CCDC171: variants seen among roughly 807,000 people sequenced by gnomAD.
CCDC171 encodes coiled-coil domain-containing protein 171.
CCDC171 carries 177 observed loss-of-function variants against 168.2 expected under a neutral mutation model. That is an observed-to-expected ratio of 1.05 (90% confidence interval 0.93 to 1.19). CCDC171 has a LOEUF of 1.19. Ranked by LOEUF, CCDC171 falls within the 50% of genes most tolerant of loss-of-function variation. The pLI is 0.00. For synonymous variants in CCDC171, 687 were observed against 540.8 expected (o/e 1.27, Z -3.75); for missense variants, 1,991 against 1,539.0 (o/e 1.29, Z -4.91).
chr9:15,963,410 G>A (rs73411570), intron 25 of CCDC171, among the ~76,000 whole-genome samples: 16,223 of 152,090 alleles, frequency 0.11, 2,244 homozygotes, highest in African/African-American at 0.32. Flanking sequence ...ATACCTGCAT[G>A]CTCACCTTGG....
intron 11 of CCDC171, among the ~76,000 whole-genome samples, chr9:15,718,282 T>C (rs1413812963): frequency 2.6e-5 from 4 of 152,108 alleles, no homozygotes; most frequent in African/African-American, 9.7e-5. Context: ...GGGAAGGACT[T>C]TGTCTTGTGC....
chr9:15,852,781 A>AT (rs61235336), intron 23 of CCDC171, among the ~76,000 whole-genome samples: 4 of 151,306 alleles, frequency 2.6e-5, no homozygotes, highest in African/African-American at 9.7e-5. Context: ...GCCCAACTTC[A>AT]TTTTTTTTAT....
intron 25 of CCDC171, among the ~76,000 whole-genome samples, chr9:15,966,740 T>C (rs1224361447): frequency 6.6e-6 from 1 of 152,212 alleles, no homozygotes; most frequent in African/African-American, 2.4e-5. Flanking sequence ...GTCAGTAAGA[T>C]AGTCAAACTA....
intron 18 of CCDC171, among the ~76,000 whole-genome samples, chr9:15,768,876 C>T (rs568146935): frequency 5.9e-5 from 9 of 152,170 alleles, no homozygotes; most frequent in African/African-American, 2.2e-4. Context: ...TCCGCAGTAT[C>T]AGCAGCAATA....
chr9:15,978,489 C>T (rs1012389732), downstream of CCDC171, among the ~76,000 whole-genome samples: 24 of 152,266 alleles, frequency 1.6e-4, no homozygotes, highest in Admixed American at 9.2e-4. Flanking sequence ...GCTTTTTGCT[C>T]TCTTTAATCT....
intron 21 of CCDC171, among the ~76,000 whole-genome samples, chr9:15,828,595 A>T (rs141189953): frequency 6.6e-6 from 1 of 152,214 alleles, no homozygotes; most frequent in East Asian, 1.9e-4. Flanking sequence ...GAAGAAACAG[A>T]TATGCATAGA....
At chr9:16,101,475 TGA>T in the CCDC171 span, among the ~76,000 whole-genome samples, 1 of 152,254 alleles carries the variant, frequency 6.6e-6, no homozygotes, top group Non-Finnish European at 1.5e-5. Context: ...CCCGTGAATG[TGA>T]TGCAACATCA....
intron 4 of CCDC171, chr9:15,587,709 T>C: frequency 2.2e-6 from 1 of 454,956 alleles, no homozygotes; most frequent in South Asian, 1.6e-5. Context: ...TATATTAGTG[T>C]ATAAACTGTA....
intron 25 of CCDC171, among the ~76,000 whole-genome samples, chr9:15,957,242 G>T (rs1488933573): frequency 6.6e-6 from 1 of 152,110 alleles, no homozygotes; most frequent in East Asian, 1.9e-4. Context: ...TTTTGCTGCC[G>T]TGTCAAGTGA....
At chr9:15,882,374 C>G (rs1818762220) in intron 24 of CCDC171, among the ~76,000 whole-genome samples, 1 of 152,182 alleles carries the variant, frequency 6.6e-6, no homozygotes, top group African/African-American at 2.4e-5. Context: ...CGAGTGTATT[C>G]TCCCATGCTG....
At chr9:15,828,383 G>C (rs1477001156) in intron 21 of CCDC171, among the ~76,000 whole-genome samples, 1 of 151,386 alleles carries the variant, frequency 6.6e-6, no homozygotes, top group Non-Finnish European at 1.5e-5. Flanking sequence ...ATTTTATTGA[G>C]AAAGTGTTCA....
chr9:15,598,733 A>G (rs368515413), intron 6 of CCDC171, among the ~76,000 whole-genome samples: 3 of 152,128 alleles, frequency 2.0e-5, no homozygotes, highest in African/African-American at 7.2e-5. Context: ...TGATCTGTCT[A>G]ATGTTGACAG....
chr9:16,081,514 T>A, the CCDC171 span, among the ~76,000 whole-genome samples: 4 of 152,178 alleles, frequency 2.6e-5, no homozygotes, highest in Admixed American at 6.5e-5. Context: ...TAGCTCTAGA[T>A]GCTGTTGACA....
chr9:15,579,137 A>G, intron 4 of CCDC171, 114 bp downstream of exon 4: 1 of 809,938 alleles, frequency 1.2e-6, no homozygotes, highest in Non-Finnish European at 1.9e-6. Context: ...TGATTCGTTG[A>G]CTGACTTTTG....
intron 3 of CCDC171, among the ~76,000 whole-genome samples, chr9:15,982,909 G>A (rs1831848972): frequency 6.6e-6 from 1 of 152,166 alleles, no homozygotes; most frequent in Admixed American, 6.5e-5. Context: ...CTGCAAGAAG[G>A]TGATGCAGGG....
chr9:15,981,314 C>G (rs1831789773), intron 3 of CCDC171, among the ~76,000 whole-genome samples: 1 of 152,172 alleles, frequency 6.6e-6, no homozygotes, highest in African/African-American at 2.4e-5. Context: ...CTCACTCTTT[C>G]TCCACCACAT....
intron 2 of CCDC171, among the ~76,000 whole-genome samples, chr9:15,569,394 A>G (rs1263898995): frequency 1.3e-5 from 2 of 152,240 alleles, no homozygotes; most frequent in African/African-American, 2.4e-5. Flanking sequence ...ATAAGTTTAT[A>G]TATGTAAAAT....
At chr9:15,738,959 C>A (rs990012929) in intron 16 of CCDC171, among the ~76,000 whole-genome samples, 3 of 152,070 alleles carry the variant, frequency 2.0e-5, no homozygotes, top group Non-Finnish European at 4.4e-5. Flanking sequence ...TTAATTCCTT[C>A]AATATTTATT....
chr9:15,905,638 C>A (rs1365017032), intron 24 of CCDC171, among the ~76,000 whole-genome samples: 7 of 152,026 alleles, frequency 4.6e-5, no homozygotes, highest in Non-Finnish European at 1.0e-4. Context: ...CAAACACATT[C>A]AAAAGCTAGC....
Sources: gnomAD v4.1 joint callset for allele counts (sites outside exome capture counted in the v4.1 genomes callset) on GRCh38, gnomAD v4.1.1 for gene constraint, MANE v1.5 for transcripts, NCBI Gene and HGNC (gene_info 2026-07-23, HGNC 2026-07-21) for gene names.